Variants in RPS6KA2 observed in about 807,000 individuals in gnomAD.
RPS6KA2 encodes ribosomal protein S6 kinase alpha-2.
A neutral mutation model predicts 91.8 loss-of-function variants in RPS6KA2; 42 were observed. The ratio of observed to expected loss-of-function variants is 0.46; its 90% CI spans 0.36 to 0.59. RPS6KA2 has a LOEUF of 0.59. Among genes scored for constraint, RPS6KA2 ranks in the 20% least tolerant of loss-of-function variants. The probability of loss-of-function intolerance (pLI) is 0.00; values close to 1 mark genes in which losing one functional copy is unlikely to be tolerated. For missense variants in RPS6KA2, 798 were observed against 978.5 expected (o/e 0.82, Z 2.46); for synonymous variants, 414 against 393.6 (o/e 1.05, Z -0.61).
At chr6:166,747,704 A>G (rs928356383) in intron 2 of RPS6KA2, among the ~76,000 whole-genome samples, 7 of 152,158 alleles carry the variant, frequency 4.6e-5, no homozygotes. Flanking sequence ...TGTGCTCTTT[A>G]CAGCAAGGCT....
chr6:166,465,447 A>C (rs907581096), intron 11 of RPS6KA2: 1 of 152,296 alleles, frequency 6.6e-6, no homozygotes, highest in Non-Finnish European at 1.5e-5. Context: ...GGCCGCAGAC[A>C]CAGGAGAACA....
rs1031456110 is a variant in RPS6KA2, at chr6:166,435,678, C to A, written c.1333-3188G>T. Among the ~76,000 whole-genome samples, 1 of 152,258 alleles carries A rather than the reference C, an allele frequency of 6.6e-6. No homozygotes were observed. Among genetic ancestry groups the A allele is most frequent in the Non-Finnish European group, 1.5e-5 (1 of 68,046 alleles). On this transcript the variant is annotated intron_variant, in intron 14 of 20. Transcript: ENST00000265678. The surrounding 1 kb of genome is among the most constrained non-coding windows in gnomAD (Gnocchi z 4.3). ...GTTTCTCACCACAGGGTAGAGCCAG[C>A]GGTCTTTCAGCAAACATCTGGTTTG... is the stretch of plus-strand genomic sequence containing the variant.
chr6:166,422,440 G>T (rs1040305373), intron 17 of RPS6KA2, among the ~76,000 whole-genome samples: 1 of 152,132 alleles, frequency 6.6e-6, no homozygotes, highest in Non-Finnish European at 1.5e-5. Context: ...CATCGGAGCA[G>T]CTCTGGTCCA....
rs879745919 is a variant in RPS6KA2, at chr6:166,794,229, ATG to A, written c.123+63969_123+63970del. Among the ~76,000 whole-genome samples the A allele has an allele frequency of 4.6e-3, 666 of 145,120 alleles. 3 individuals are homozygous for A. Among genetic ancestry groups the A allele is most frequent in the Non-Finnish European group, 7.7e-3 (502 of 65,318 alleles). ...AGACACTTCTCAAAAGAAGACATTT[ATG>A]CAGCCAAAAAACACATGAAAAAATG... On this transcript the variant is annotated intron_variant, in intron 2 of 21. Coordinates refer to the RPS6KA2 transcript ENST00000503859.
At chr6:166,669,288 G>A (rs1788407487) in intron 2 of RPS6KA2, among the ~76,000 whole-genome samples, 1 of 152,092 alleles carries the variant, frequency 6.6e-6, no homozygotes, top group African/African-American at 2.4e-5. Context: ...CTGTCTCTCT[G>A]GCACCCTCTA....
At chr6:166,526,792 G>A (rs1446100615) in intron 3 of RPS6KA2, among the ~76,000 whole-genome samples, 3 of 152,230 alleles carry the variant, frequency 2.0e-5, no homozygotes, top group African/African-American at 7.2e-5. Context: ...GTATAGGGAA[G>A]AAGACAACAG....
chr6:166,679,350 G>A (rs1443696500), intron 2 of RPS6KA2, among the ~76,000 whole-genome samples: 3 of 151,696 alleles, frequency 2.0e-5, no homozygotes, highest in Non-Finnish European at 4.4e-5. Flanking sequence ...TGTAATCACA[G>A]CTATTCAGGA....
At chr6:166,619,585 T>C (rs1786550294) in intron 1 of RPS6KA2, among the ~76,000 whole-genome samples, 1 of 152,236 alleles carries the variant, frequency 6.6e-6, no homozygotes, top group African/African-American at 2.4e-5. Context: ...CCTGAAGTCT[T>C]AAGGCTCGTG....
At chr6:166,488,727 G>C (rs1583198210) in intron 10 of RPS6KA2, 106 bp downstream of exon 10, 3 of 786,592 alleles carry the variant, frequency 3.8e-6, no homozygotes, top group Non-Finnish European at 6.4e-6. Context: ...CAGTGACCTT[G>C]GTTGGCATTG....
At chr6:166,645,661 G>A (rs1010008473) in intron 2 of RPS6KA2, among the ~76,000 whole-genome samples, 1 of 152,198 alleles carries the variant, frequency 6.6e-6, no homozygotes, top group Non-Finnish European at 1.5e-5. Context: ...CTGGAGATGG[G>A]GGCACTCCAG....
intron 2 of RPS6KA2, among the ~76,000 whole-genome samples, chr6:166,793,207 T>C (rs1357239839): frequency 6.6e-6 from 1 of 151,800 alleles, no homozygotes. Flanking sequence ...TATACACCAA[T>C]AACAGACAAA....
At position 166,612,628 on chromosome 6, in the gene RPS6KA2, A is replaced by G. The variant is rs147062028; in HGVS notation, c.99+14293T>C. Reference sequence around the variant, plus strand: ...TGACCGAGGTCAGACACTGCTTTGCAGAGCCCGTGGGCTGTGCTCCATTTA... The same window carrying G: ...TGACCGAGGTCAGACACTGCTTTGCGGAGCCCGTGGGCTGTGCTCCATTTA... On this transcript the variant is annotated intron_variant, in intron 1 of 20. Transcript: ENST00000265678. This position sits in a 1 kb window ranked among gnomAD's most constrained non-coding sequence, Gnocchi z 4.3. Among the ~76,000 whole-genome samples, 542 of 152,302 alleles carry G rather than the reference A, an allele frequency of 3.6e-3. 2 individuals are homozygous for G. The highest frequency in any genetic ancestry group is 0.013 in the African/African-American group (530 of 41,576).
chr6:166,580,462 T>G (rs1784969791), intron 1 of RPS6KA2, among the ~76,000 whole-genome samples: 1 of 152,136 alleles, frequency 6.6e-6, no homozygotes, highest in African/African-American at 2.4e-5. Flanking sequence ...CTAACACTCA[T>G]GATAGCTGAT....
At chr6:166,777,885 C>T (rs1178695502) in intron 2 of RPS6KA2, among the ~76,000 whole-genome samples, 1 of 151,996 alleles carries the variant, frequency 6.6e-6, no homozygotes, top group African/African-American at 2.4e-5. Context: ...ATAAAAGAGA[C>T]ATCTAAAAAA....
intron 2 of RPS6KA2, among the ~76,000 whole-genome samples, chr6:166,848,220 C>G (rs1854239): frequency 0.53 from 81,125 of 152,090 alleles, 24,370 homozygotes; most frequent in Middle Eastern, 0.73. Context: ...TCATCTCACT[C>G]CTGCAATAAT....
At chr6:166,579,315 C>T (rs1000041194) in intron 1 of RPS6KA2, among the ~76,000 whole-genome samples, 1 of 152,122 alleles carries the variant, frequency 6.6e-6, no homozygotes, top group Non-Finnish European at 1.5e-5. Flanking sequence ...CCAACAGGTG[C>T]GACCTGCATT....
chr6:166,620,983 C>T (rs1423429216), intron 1 of RPS6KA2, among the ~76,000 whole-genome samples: 2 of 152,186 alleles, frequency 1.3e-5, no homozygotes, highest in Non-Finnish European at 2.9e-5. Context: ...ACACCACCTG[C>T]TCCATGCCTG....
chr6:166,469,467 T>C (rs1780673750), intron 11 of RPS6KA2, among the ~76,000 whole-genome samples: 1 of 152,122 alleles, frequency 6.6e-6, no homozygotes, highest in Non-Finnish European at 1.5e-5. Flanking sequence ...GACTTTTGTC[T>C]GTTCAGCCCT....
chr6:166,486,572 C>T (rs1353422818), intron 10 of RPS6KA2, among the ~76,000 whole-genome samples: 2 of 152,190 alleles, frequency 1.3e-5, no homozygotes, highest in Admixed American at 6.5e-5. Context: ...TGTGCAGTGA[C>T]CTGCTAGTTA....
Sources: allele counts gnomAD v4.1 joint callset (sites outside exome capture counted in the v4.1 genomes callset), GRCh38; gene constraint gnomAD v4.1.1; non-coding constraint Gnocchi (gnomAD v3.1); transcripts MANE v1.5; gene names NCBI Gene and HGNC (gene_info 2026-07-23, HGNC 2026-07-21).